SLC35F3: variants seen among roughly 807,000 people sequenced by gnomAD.
SLC35F3 encodes the protein putative thiamine transporter SLC35F3.
In SLC35F3, 25 loss-of-function variants were observed where a neutral mutation model predicts 49.9. The observed-to-expected ratio is 0.50, with a 90% confidence interval of 0.37 to 0.70. The LOEUF (loss-of-function observed/expected upper bound fraction) is 0.70. Among genes scored for constraint, SLC35F3 ranks in the 30% least tolerant of loss-of-function variants. SLC35F3 has a pLI of 0.00. For missense variants in SLC35F3, 525 were observed against 639.8 expected (o/e 0.82, Z 1.94); for synonymous variants, 275 against 265.4 (o/e 1.04, Z -0.35).
rs1248912054 is a variant in SLC35F3 at position 234,013,242 on chromosome 1, CAAA to C, written c.283+107485_283+107487del. On this transcript the variant is annotated intron_variant, in intron 2 of 7. Coordinates refer to ENST00000366618, the MANE Select transcript of SLC35F3 (RefSeq NM_173508.4). Reference sequence around the variant, plus strand: ...ACATGCTCGTGAACAACCAATGAGTCAAAGAAGAAATCAAAAGGGAAATTTTTA... The same window carrying C: ...ACATGCTCGTGAACAACCAATGAGTCGAAGAAATCAAAAGGGAAATTTTTA... 4.0e-5 allele frequency among the ~76,000 whole-genome samples: 6 copies of C among 151,834 alleles called. No homozygotes were observed. In the East Asian group the frequency reaches 1.2e-3, roughly 29 times the overall value.
rs543248647 is a variant in SLC35F3 at position 234,271,132 on chromosome 1, G to A, written c.609-37969G>A. 3.6e-4 allele frequency among the ~76,000 whole-genome samples: 55 copies of A among 152,296 alleles called. No individual in the cohort carries two copies. In the South Asian group the frequency reaches 0.011, roughly 29 times the overall value. Reference sequence around the variant, plus strand: ...AAACTTGGATGAAGTTCAAATCATAGGCTTTCTAAAATAGTCAGAGGCCAG... The same window carrying A: ...AAACTTGGATGAAGTTCAAATCATAAGCTTTCTAAAATAGTCAGAGGCCAG... On this transcript the variant is annotated intron_variant, in intron 3 of 7. Transcript: ENST00000366618.
Position 233,957,314 on chromosome 1 carries a change from G to A in SLC35F3, c.283+51556G>A, listed in dbSNP as rs1662721246. Among the ~76,000 whole-genome samples the A allele has an allele frequency of 6.6e-6, 1 of 152,164 alleles. No homozygotes were observed. The highest frequency in any genetic ancestry group is 2.4e-5 in the African/African-American group (1 of 41,426). On this transcript the variant is annotated intron_variant, in intron 2 of 7. Transcript: ENST00000366618. This position sits in a 1 kb window ranked among gnomAD's most constrained non-coding sequence, Gnocchi z 4.0. ...AACCATAACAAAGGTAGGAGGAATG[G>A]CTGGAGGAAGCGATGCCACTCCATC...
chr1:234,164,084 C>CTCTCTCCCTCTCTCTCTT (rs1478324635), intron 2 of SLC35F3, among the ~76,000 whole-genome samples: 10 of 150,894 alleles, frequency 6.6e-5, no homozygotes, highest in Non-Finnish European at 1.5e-4. Flanking sequence ...ATAGCTCTGT[C>CTCTCTCCCTCTCTCTCTT]TCTCTCCCTC....
chr1:233,987,487 CTG>C (rs1338961373), intron 2 of SLC35F3, among the ~76,000 whole-genome samples: 1 of 141,114 alleles, frequency 7.1e-6, no homozygotes, highest in Admixed American at 6.8e-5. Context: ...AAGGAGAAGT[CTG>C]AAGCTTTTTT....
intron 2 of SLC35F3, among the ~76,000 whole-genome samples, chr1:234,147,817 AT>A (rs1469633402): frequency 6.6e-6 from 1 of 152,196 alleles, no homozygotes; most frequent in Non-Finnish European, 1.5e-5. Flanking sequence ...CGGAGAGCTT[AT>A]TACAGTACAG....
At chr1:233,923,621 T>A (rs1662105011) in intron 2 of SLC35F3, among the ~76,000 whole-genome samples, 1 of 152,192 alleles carries the variant, frequency 6.6e-6, no homozygotes, top group Non-Finnish European at 1.5e-5. Flanking sequence ...CCTCTTTTCC[T>A]AATTGAATAC....
intron 2 of SLC35F3, among the ~76,000 whole-genome samples, chr1:233,917,272 T>C (rs1661988876): frequency 6.6e-6 from 1 of 152,200 alleles, no homozygotes. Context: ...CTCTATATTA[T>C]GTACATAATT....
At chr1:234,201,618 G>A (rs374215492) in intron 2 of SLC35F3, among the ~76,000 whole-genome samples, 42 of 152,290 alleles carry the variant, frequency 2.8e-4, no homozygotes, top group African/African-American at 9.6e-4. Context: ...AGCAATCAAA[G>A]TTAAAATAAA....
At chr1:233,945,396 G>A (rs1473996766) in intron 2 of SLC35F3, among the ~76,000 whole-genome samples, 1 of 152,138 alleles carries the variant, frequency 6.6e-6, no homozygotes, top group Admixed American at 6.5e-5. Flanking sequence ...CTTTTCAGAG[G>A]ATTTTTAAGA....
At chr1:234,223,414 C>T (rs1363472349) in intron 2 of SLC35F3, among the ~76,000 whole-genome samples, 1 of 152,124 alleles carries the variant, frequency 6.6e-6, no homozygotes, top group African/African-American at 2.4e-5. Context: ...CTTTTGTTCA[C>T]CTCCTGATTC....
chr1:233,931,015 C>T (rs1253379062), intron 2 of SLC35F3, among the ~76,000 whole-genome samples: 1 of 152,132 alleles, frequency 6.6e-6, no homozygotes, highest in Non-Finnish European at 1.5e-5. Context: ...CTTTGTCAAA[C>T]TTGACACAAA....
chr1:233,955,128 G>A (rs1322487231), intron 2 of SLC35F3, among the ~76,000 whole-genome samples: 1 of 152,098 alleles, frequency 6.6e-6, no homozygotes, highest in Non-Finnish European at 1.5e-5. Context: ...ACAGGCACGA[G>A]CCACCGCACC....
In SLC35F3 at chr1:234,251,155, C is replaced by G. The variant is rs1667732212; in HGVS notation, c.608+19414C>G. On this transcript the variant is annotated intron_variant, in intron 3 of 7. Transcript: ENST00000366618. ...ATGCTGGATGCCTCATTAAACTAGA[C>G]TTTGGTCCTCTAATAAATTTCTGAC... Among the ~76,000 whole-genome samples, 3 of 152,136 alleles carry G rather than the reference C, an allele frequency of 2.0e-5. No homozygotes were observed. In the South Asian group the frequency reaches 6.2e-4, roughly 32 times the overall value.
At chr1:233,918,120 G>A (rs77596715) in intron 2 of SLC35F3, among the ~76,000 whole-genome samples, 3,817 of 152,352 alleles carry the variant, frequency 0.025, 147 homozygotes, top group African/African-American at 0.086. Context: ...TGCTGAGCAC[G>A]TGGAAGTCTG....
chr1:234,275,767 T>A (rs568094076), intron 3 of SLC35F3, among the ~76,000 whole-genome samples: 7,939 of 113,034 alleles, frequency 0.07, 239 homozygotes, highest in Admixed American at 0.088. Flanking sequence ...AAAAAAAATA[T>A]ATATATATAT....
intron 2 of SLC35F3, among the ~76,000 whole-genome samples, chr1:233,978,647 G>A (rs1558195146): frequency 6.6e-6 from 1 of 152,216 alleles, no homozygotes; most frequent in Non-Finnish European, 1.5e-5. Context: ...AGAGAGCTCT[G>A]CTCCTGATGT....
intron 2 of SLC35F3, among the ~76,000 whole-genome samples, chr1:233,979,005 C>T (rs1393908662): frequency 6.6e-6 from 1 of 150,786 alleles, no homozygotes; most frequent in East Asian, 1.9e-4. Flanking sequence ...CATTGCACTC[C>T]AGCCTGGACG....
chr1:233,905,816 C>T, intron 2 of SLC35F3, 58 bp downstream of exon 2: 2 of 1,490,336 alleles, frequency 1.3e-6, no homozygotes, highest in Non-Finnish European at 1.8e-6. Flanking sequence ...ACCATTGTCA[C>T]AGCAGCCTCG....
chr1:233,960,486 T>C (rs1012943377), intron 2 of SLC35F3, among the ~76,000 whole-genome samples: 2 of 152,244 alleles, frequency 1.3e-5, no homozygotes, highest in Non-Finnish European at 1.5e-5. Flanking sequence ...TGTGTCTCAC[T>C]GGGCAGAAAT....
Sources: gnomAD v4.1 joint callset for allele counts (sites outside exome capture counted in the v4.1 genomes callset) on GRCh38, gnomAD v4.1.1 for gene constraint, Gnocchi (gnomAD v3.1) non-coding constraint, MANE v1.5 for transcripts, NCBI Gene and HGNC (gene_info 2026-07-23, HGNC 2026-07-21) for gene names.